IL20RB: variants seen among roughly 807,000 people sequenced by gnomAD.
IL20RB encodes interleukin 20 receptor subunit beta, also known as interleukin-20 receptor subunit beta.
IL20RB carries 21 observed loss-of-function variants against 33.3 expected under a neutral mutation model. That is an observed-to-expected ratio of 0.63 (90% CI 0.45 to 0.91). The LOEUF (loss-of-function observed/expected upper bound fraction) is 0.91, where lower values mean the gene tolerates loss of function less well. Ranked by LOEUF, IL20RB falls within the 40% of genes least tolerant of loss-of-function variation. The pLI is 0.00. For missense variants in IL20RB, 345 were observed against 384.8 expected (o/e 0.90, Z 0.86); for synonymous variants, 147 against 146.8 (o/e 1.00, Z -0.01).
intron 5 of IL20RB, among the ~76,000 whole-genome samples, chr3:136,992,582 A>G (rs573029308): frequency 3.9e-5 from 6 of 152,356 alleles, no homozygotes; most frequent in African/African-American, 1.4e-4. Flanking sequence ...CAATGTTTAA[A>G]AACCCTTTGA....
chr3:136,962,160 G>C lies in IL20RB; in HGVS notation c.88+3959G>C, dbSNP rs1941238443. 1.3e-5 allele frequency among the ~76,000 whole-genome samples: 2 copies of C among 152,164 alleles called. 1 individual carries two copies. Among genetic ancestry groups the C allele is most frequent in the South Asian group, 4.1e-4 (2 of 4,826 alleles). On this transcript the variant is annotated intron_variant, in intron 1 of 6. Coordinates refer to ENST00000329582, the MANE Select transcript of IL20RB (RefSeq NM_144717.4). ...TAATTATTACAAGAAATATCCATCA[G>C]TAGATGTTAAAATTAATAGGTGAAA...
At chr3:136,960,188 G>A (rs143617429) in intron 1 of IL20RB, among the ~76,000 whole-genome samples, 1,261 of 112,132 alleles carry the variant, frequency 0.011, 22 homozygotes, top group African/African-American at 0.036. Flanking sequence ...TCGTTCTGTC[G>A]CCAGGCTGGA....
At position 136,997,101 on chromosome 3, in the gene IL20RB, CTCTT is replaced by C. The variant is rs762371686; in HGVS notation, c.825+1547_825+1550del. Among the ~76,000 whole-genome samples the C allele has an allele frequency of 4.6e-5, 7 of 151,500 alleles. No homozygotes were observed. The South Asian group carries it at 1.5e-3, about 32-fold the overall frequency. On this transcript the variant is annotated intron_variant, in intron 6 of 6. Coordinates refer to ENST00000329582, the MANE Select transcript of IL20RB (RefSeq NM_144717.4). ...GGCATATCTGTTTTTCTCTCTCTCT[CTCTT>C]TTTTTTTTTCGAGACGGAGTTTCGC... is the stretch of plus-strand genomic sequence containing the variant.
At chr3:136,986,895 G>A (rs1941913655) in intron 3 of IL20RB, 1 of 388,392 alleles carries the variant, frequency 2.6e-6, no homozygotes, top group Admixed American at 3.1e-5. Flanking sequence ...TGGCTCAGGA[G>A]TGAAGCTGCA....
chr3:136,990,745 C>T (rs1329656399), intron 4 of IL20RB, among the ~76,000 whole-genome samples: 1 of 152,202 alleles, frequency 6.6e-6, no homozygotes, highest in East Asian at 1.9e-4. Context: ...GAGCACATGC[C>T]TCACCACCCA....
At chr3:136,989,406 G>T (rs759755105) in intron 3 of IL20RB, 35 bp from the exon 4 acceptor site, 2 of 1,611,900 alleles carry the variant, frequency 1.2e-6, no homozygotes, top group Admixed American at 3.3e-5. Flanking sequence ...CCCTGTCTGG[G>T]GCTGGCTTTG....
chr3:136,985,519 T>C (rs541732884), intron 3 of IL20RB, among the ~76,000 whole-genome samples: 2 of 152,142 alleles, frequency 1.3e-5, no homozygotes, highest in Non-Finnish European at 2.9e-5. Flanking sequence ...GTATTTTTAG[T>C]AGAGACAGTG....
chr3:136,987,389 G>A (rs1205062074), intron 3 of IL20RB, among the ~76,000 whole-genome samples: 3 of 152,152 alleles, frequency 2.0e-5, no homozygotes, highest in Non-Finnish European at 4.4e-5. Flanking sequence ...CCCTGAGCTA[G>A]TAGACACAGG....
At chr3:136,997,089 TTC>T (rs533854627) in intron 6 of IL20RB, among the ~76,000 whole-genome samples, 1 of 151,960 alleles carries the variant, frequency 6.6e-6, no homozygotes, top group African/African-American at 2.4e-5. Flanking sequence ...ATATCTGTTT[TTC>T]TCTCTCTCTC....
chr3:136,990,161 C>T (rs1004397790), intron 4 of IL20RB, among the ~76,000 whole-genome samples: 2 of 151,980 alleles, frequency 1.3e-5, no homozygotes, highest in East Asian at 3.9e-4. Flanking sequence ...AATAGCCAGA[C>T]AAGCAGCAGC....
At chr3:136,974,258 A>T (rs895373729) in intron 1 of IL20RB, among the ~76,000 whole-genome samples, 1 of 152,090 alleles carries the variant, frequency 6.6e-6, no homozygotes, top group Non-Finnish European at 1.5e-5. Context: ...ATGTGATTTC[A>T]TAATGGTAAA....
chr3:136,983,573 G>A (rs1941833578), intron 3 of IL20RB, among the ~76,000 whole-genome samples: 1 of 152,210 alleles, frequency 6.6e-6, no homozygotes, highest in South Asian at 2.1e-4. Flanking sequence ...AGAAAGGACA[G>A]AGCTTAGGAA....
intron 1 of IL20RB, among the ~76,000 whole-genome samples, chr3:136,960,477 G>A (rs1577004459): frequency 6.6e-6 from 1 of 152,224 alleles, no homozygotes; most frequent in East Asian, 1.9e-4. Flanking sequence ...CATTTGCCTT[G>A]TCCTGTCCCT....
At chr3:136,991,893 A>G in intron 4 of IL20RB, 45 bp from the exon 5 acceptor site, 1 of 1,599,054 alleles carries the variant, frequency 6.3e-7, no homozygotes, top group African/African-American at 1.3e-5. Flanking sequence ...TATAGGCGTG[A>G]GCCACCGCAC....
intron 1 of IL20RB, among the ~76,000 whole-genome samples, chr3:136,969,659 G>A (rs968169599): frequency 3.3e-5 from 5 of 151,928 alleles, no homozygotes; most frequent in African/African-American, 1.2e-4. Context: ...CCCGTCTTCT[G>A]CGTCGCTCAC....
chr3:136,987,481 G>A (rs1488381545), intron 3 of IL20RB, among the ~76,000 whole-genome samples: 5 of 152,230 alleles, frequency 3.3e-5, no homozygotes, highest in East Asian at 3.8e-4. Context: ...TAGACATAAA[G>A]ATTCTCCAAG....
At chr3:136,992,650 A>G (rs918281989) in intron 5 of IL20RB, among the ~76,000 whole-genome samples, 4 of 152,272 alleles carry the variant, frequency 2.6e-5, no homozygotes, top group Non-Finnish European at 5.9e-5. Flanking sequence ...AAACATCACT[A>G]GTTACATTTT....
chr3:136,973,670 C>T (rs1226909733), intron 1 of IL20RB, among the ~76,000 whole-genome samples: 5 of 151,986 alleles, frequency 3.3e-5, no homozygotes, highest in African/African-American at 1.2e-4. Context: ...GTTAAAGTCC[C>T]CCATCCCCAG....
rs1040716412 is a variant in IL20RB at position 137,010,285 on chromosome 3, G to C, written c.*62G>C. 1.2e-6 allele frequency: 1 copy of C among 804,530 alleles called. No homozygotes were observed. The highest frequency in any genetic ancestry group is 2.2e-6 in the Non-Finnish European group (1 of 451,866). The allele number at this position is 804,530 out of a possible 1,614,324, so 49.8% of individuals were successfully genotyped here. A position where few individuals can be genotyped will look rare whatever the true frequency, so the allele number is the denominator to read the frequency against. On this transcript the variant is annotated 3_prime_UTR_variant, in exon 7 of 7. Coordinates refer to ENST00000329582, the MANE Select transcript of IL20RB (RefSeq NM_144717.4). The stretch of plus-strand genomic sequence containing the variant: ...TCTGCATGACATGGAAACCATGAGG[G>C]GACAAGTTGTGTTTCTGTTTTCCGC...
Sources: gnomAD v4.1 joint callset for allele counts (sites outside exome capture counted in the v4.1 genomes callset) on GRCh38, gnomAD v4.1.1 for gene constraint, MANE v1.5 for transcripts, NCBI Gene and HGNC (gene_info 2026-07-23, HGNC 2026-07-21) for gene names.